SLC35F3: variants seen among roughly 807,000 people sequenced by gnomAD.
SLC35F3 encodes putative thiamine transporter SLC35F3.
SLC35F3 carries 25 observed loss-of-function variants against 49.9 expected under a neutral mutation model. That is an observed-to-expected ratio of 0.50 (90% CI 0.37 to 0.70). The LOEUF (loss-of-function observed/expected upper bound fraction) is 0.70, where lower values mean the gene tolerates loss of function less well. Among genes scored for constraint, SLC35F3 ranks in the 30% least tolerant of loss-of-function variants. The pLI, the probability that SLC35F3 is intolerant of heterozygous loss-of-function variation, is 0.00. For missense variants in SLC35F3, 525 were observed against 639.8 expected (o/e 0.82, Z 1.94); for synonymous variants, 275 against 265.4 (o/e 1.04, Z -0.35).
chr1:234,084,387 T>C (rs182166711), intron 2 of SLC35F3, among the ~76,000 whole-genome samples: 2 of 152,260 alleles, frequency 1.3e-5, no homozygotes, highest in Admixed American at 1.3e-4. Context: ...ATATGAGACA[T>C]AAAATCCTCA....
rs116233532 is a variant in SLC35F3 at position 234,170,171 on chromosome 1, A to G, written c.284-61246A>G. ...AACAGAACCCTAAGTATAGCCAGTC[A>G]TGAAGTCCCTTGTGCTGGCACTGTG... On this transcript the variant is annotated intron_variant, in intron 2 of 7. Transcript: ENST00000366618. Among the ~76,000 whole-genome samples, 1,049 of 152,306 alleles carry G rather than the reference A, an allele frequency of 6.9e-3. 7 individuals carry two copies. Among genetic ancestry groups the G allele is most frequent in the South Asian group, 0.027 (128 of 4,816 alleles).
chr1:233,967,195 G>A (rs1662918529), intron 2 of SLC35F3, among the ~76,000 whole-genome samples: 1 of 152,050 alleles, frequency 6.6e-6, no homozygotes. Context: ...TGGGCATGCT[G>A]TATTTTTATC....
At chr1:234,158,217 G>T (rs6586373) in intron 2 of SLC35F3, among the ~76,000 whole-genome samples, 22,653 of 152,128 alleles carry the variant, frequency 0.15, 5,355 homozygotes, top group African/African-American at 0.5. Context: ...CCATCTTATT[G>T]CTTCTAACTA....
intron 2 of SLC35F3, among the ~76,000 whole-genome samples, chr1:234,154,415 T>TA (rs1441339518): frequency 5.3e-5 from 8 of 152,228 alleles, no homozygotes; most frequent in Admixed American, 5.2e-4. Context: ...GGCATACAAA[T>TA]ATTTCTTAGT....
chr1:233,999,072 G>C (rs765475923), intron 2 of SLC35F3, among the ~76,000 whole-genome samples: 14 of 152,104 alleles, frequency 9.2e-5, no homozygotes, highest in Non-Finnish European at 1.6e-4. Context: ...TTACTACATA[G>C]CAAGCATTAG....
At position 234,271,951 on chromosome 1, in the gene SLC35F3, C is replaced by T. The variant is rs139908621; in HGVS notation, c.609-37150C>T. Among the ~76,000 whole-genome samples, 121 of 152,122 alleles carry T rather than the reference C, an allele frequency of 8.0e-4. 1 individual carries two copies. The East Asian group carries it at 0.022, about 27-fold the overall frequency. ...ACCAGCCTGGACAACATGGCAAAAC[C>T]CCGTCTCTACAAAAAAATACAAAAA... On this transcript the variant is annotated intron_variant, in intron 3 of 7. Transcript: ENST00000366618.
chr1:234,140,002 A>AATAAAATAAAATAAAATAAAAAAAAT, intron 2 of SLC35F3, among the ~76,000 whole-genome samples: 1 of 105,368 alleles, frequency 9.5e-6, no homozygotes, highest in Non-Finnish European at 2.4e-5. Flanking sequence ...AATAAAATAA[A>AATAAAATAAAATAAAATAAAAAAAAT]GTAAGTGACT....
intron 2 of SLC35F3, among the ~76,000 whole-genome samples, chr1:234,126,717 G>A (rs775578914): frequency 6.6e-6 from 1 of 151,968 alleles, no homozygotes; most frequent in Non-Finnish European, 1.5e-5. Context: ...TTGATACAGA[G>A]TCTTGCTCTG....
chr1:234,123,354 A>G (rs1422131422), intron 2 of SLC35F3, among the ~76,000 whole-genome samples: 2 of 152,194 alleles, frequency 1.3e-5, no homozygotes, highest in Non-Finnish European at 2.9e-5. Flanking sequence ...TTTATAGTGC[A>G]AGGTAGCACA....
intron 2 of SLC35F3, among the ~76,000 whole-genome samples, chr1:234,190,484 T>C (rs937043571): frequency 1.3e-5 from 2 of 152,190 alleles, no homozygotes; most frequent in Non-Finnish European, 2.9e-5. Context: ...AGGGACATTA[T>C]ATAATGATGA....
intron 2 of SLC35F3, among the ~76,000 whole-genome samples, chr1:234,062,552 A>G (rs1205004704): frequency 2.0e-5 from 3 of 152,320 alleles, no homozygotes; most frequent in East Asian, 1.9e-4. Flanking sequence ...TTTTACCACA[A>G]TATCAGCTGG....
At chr1:233,993,878 C>G (rs1434778600) in intron 2 of SLC35F3, among the ~76,000 whole-genome samples, 1 of 152,200 alleles carries the variant, frequency 6.6e-6, no homozygotes, top group Non-Finnish European at 1.5e-5. Flanking sequence ...TCAGGAAGTA[C>G]AGATGACTCA....
At chr1:234,078,007 C>G (rs909521880) in intron 2 of SLC35F3, among the ~76,000 whole-genome samples, 1 of 152,116 alleles carries the variant, frequency 6.6e-6, no homozygotes, top group African/African-American at 2.4e-5. Context: ...TGTCATCACC[C>G]ACTATTCTCT....
intron 2 of SLC35F3, among the ~76,000 whole-genome samples, chr1:234,152,371 C>T (rs540870213): frequency 6.6e-6 from 1 of 152,188 alleles, no homozygotes; most frequent in South Asian, 2.1e-4. Context: ...TCTCCTAATG[C>T]TATCTCTCCC....
chr1:234,281,174 T>C (rs528480399), intron 3 of SLC35F3, among the ~76,000 whole-genome samples: 18 of 151,930 alleles, frequency 1.2e-4, no homozygotes, highest in African/African-American at 4.3e-4. Flanking sequence ...ACAGAAGTAA[T>C]TAGGTAAAAG....
In SLC35F3 at chr1:234,239,689, C is replaced by T. The variant is rs539275627; in HGVS notation, c.608+7948C>T. ...GTCCTTATAGGAAGGAACCTGGAGG[C>T]GGTGCCTGGGCAGGTTGGAGCAACA... On this transcript the variant is annotated intron_variant, in intron 3 of 7. Coordinates refer to ENST00000366618, the MANE Select transcript of SLC35F3 (RefSeq NM_173508.4). Among the ~76,000 whole-genome samples, 25 of 152,332 alleles carry T rather than the reference C, an allele frequency of 1.6e-4. 1 individual carries two copies. The highest frequency in any genetic ancestry group is 4.8e-4 in the African/African-American group (20 of 41,580).
At chr1:234,065,931 T>C (rs1188417334) in intron 2 of SLC35F3, among the ~76,000 whole-genome samples, 1 of 152,160 alleles carries the variant, frequency 6.6e-6, no homozygotes, top group Non-Finnish European at 1.5e-5. Flanking sequence ...AAACACGGGG[T>C]GACGTTGTCG....
intron 3 of SLC35F3, among the ~76,000 whole-genome samples, chr1:234,274,924 GA>G (rs530164095): frequency 3.5e-4 from 54 of 152,264 alleles, no homozygotes; most frequent in African/African-American, 1.2e-3. Flanking sequence ...TGCATTAAAT[GA>G]AAAAGAATGA....
At chr1:233,974,548 T>G (rs1358801363) in intron 2 of SLC35F3, among the ~76,000 whole-genome samples, 2 of 152,220 alleles carry the variant, frequency 1.3e-5, no homozygotes, top group Non-Finnish European at 2.9e-5. Flanking sequence ...TCTTCCTCCT[T>G]GAGCAAAGTC....
Sources: allele counts gnomAD v4.1 joint callset (sites outside exome capture counted in the v4.1 genomes callset), GRCh38; gene constraint gnomAD v4.1.1; transcripts MANE v1.5; gene names NCBI Gene and HGNC (gene_info 2026-07-23, HGNC 2026-07-21).